Variants in WLS observed in about 807,000 individuals in gnomAD.
WLS encodes the protein protein wntless homolog.
Under a neutral mutation model 62.8 loss-of-function variants are expected in WLS, and 23 were observed. The observed-to-expected ratio is 0.37, with a 90% CI of 0.26 to 0.52. The LOEUF (loss-of-function observed/expected upper bound fraction) is 0.52, where lower values mean the gene tolerates loss of function less well. Among genes scored for constraint, WLS ranks in the 20% least tolerant of loss-of-function variants. The pLI is 0.92. For synonymous variants in WLS, 246 were observed against 244.1 expected (o/e 1.01, Z -0.07); for missense variants, 615 against 697.3 (o/e 0.88, Z 1.33).
At chr1:68,155,052 G>C in intron 4 of WLS, 47 bp downstream of exon 4, 2 of 1,582,346 alleles carry the variant, frequency 1.3e-6, no homozygotes, top group Non-Finnish European at 1.7e-6. Flanking sequence ...AGAGTGAGAT[G>C]GAGTTCCCCT....
rs531662924 is a variant in WLS, at chr1:68,159,027, T to C, written c.504+96A>G. On this transcript the variant is annotated intron_variant, in intron 3 of 11. Coordinates refer to ENST00000262348, the MANE Select transcript of WLS (RefSeq NM_024911.7). Reference sequence around the variant, plus strand: ...GCAGGTATTACCAAAGCTGTCCTCATGCGAAGAAGGGACACACCTATGAAA... The same window carrying C: ...GCAGGTATTACCAAAGCTGTCCTCACGCGAAGAAGGGACACACCTATGAAA... 5.3e-6 allele frequency: 8 copies of C among 1,510,784 alleles called. No homozygotes were observed. The South Asian group carries it at 1.0e-4, about 19-fold the overall frequency. The allele number at this position is 1,510,784 out of a possible 1,614,324, so 93.6% of individuals were successfully genotyped here.
At chr1:68,123,478 T>C (rs1646387792), downstream of WLS, among the ~76,000 whole-genome samples, 1 of 152,006 alleles carries the variant, frequency 6.6e-6, no homozygotes, top group African/African-American at 2.4e-5. Flanking sequence ...CAGTTGTCCT[T>C]CTTCCTCTCA....
intron 4 of WLS, 149 bp downstream of exon 4, chr1:68,154,950 C>G (rs1646875496): frequency 1.2e-6 from 1 of 869,320 alleles, no homozygotes; most frequent in Non-Finnish European, 1.7e-6. Flanking sequence ...TGTAATCTCT[C>G]ACACAAATTA....
intron 1 of WLS, chr1:68,228,294 G>A (rs570754974): frequency 2.3e-6 from 1 of 434,868 alleles, no homozygotes; most frequent in Non-Finnish European, 4.6e-6. Context: ...ATCCAGTTCT[G>A]ATCTTCATAC....
chr1:68,231,825 C>G (rs1450138038), intron 1 of WLS: 1 of 454,256 alleles, frequency 2.2e-6, no homozygotes, highest in Non-Finnish European at 4.2e-6. Flanking sequence ...GGAAGGGAAC[C>G]GAGAGGAAAA....
At chr1:68,184,794 A>T (rs1210241421) in intron 2 of WLS, among the ~76,000 whole-genome samples, 1 of 152,198 alleles carries the variant, frequency 6.6e-6, no homozygotes, top group Non-Finnish European at 1.5e-5. Context: ...ATTGGTATTC[A>T]CTGAAAGGTC....
chr1:68,229,361 T>C (rs917141948), intron 1 of WLS, among the ~76,000 whole-genome samples: 1 of 152,168 alleles, frequency 6.6e-6, no homozygotes, highest in Non-Finnish European at 1.5e-5. Context: ...AAGAAAAATA[T>C]ATTCTGGCCA....
rs566064197 is a variant in WLS, at chr1:68,204,727, T to C, written c.107-10500A>G. Among the ~76,000 whole-genome samples the C allele has an allele frequency of 2.4e-3, 362 of 152,328 alleles. 2 individuals carry two copies. Among genetic ancestry groups the C allele is most frequent in the African/African-American group, 8.3e-3 (345 of 41,564 alleles). On this transcript the variant is annotated intron_variant, in intron 1 of 11. Coordinates refer to ENST00000262348, the MANE Select transcript of WLS (RefSeq NM_024911.7). Reference sequence around the variant, plus strand: ...AAGGGCCGTCTCTCCTTCATTCAATTTGTTAAATGCCTATAGTGTGCCAGC... The same window carrying C: ...AAGGGCCGTCTCTCCTTCATTCAATCTGTTAAATGCCTATAGTGTGCCAGC...
At chr1:68,227,471 C>T (rs188663147) in intron 1 of WLS, among the ~76,000 whole-genome samples, 217 of 148,718 alleles carry the variant, frequency 1.5e-3, no homozygotes, top group Middle Eastern at 3.6e-3. Context: ...ACTGCAAGAA[C>T]CAAATAGTTA....
At chr1:68,113,713 C>T (rs545479511) in intron 11 of WLS, among the ~76,000 whole-genome samples, 3 of 152,254 alleles carry the variant, frequency 2.0e-5, no homozygotes, top group African/African-American at 4.8e-5. Flanking sequence ...AGAAATGCAT[C>T]GTCTCAGGCC....
chr1:68,134,347 C>T (rs992481819), intron 11 of WLS, among the ~76,000 whole-genome samples: 2 of 152,140 alleles, frequency 1.3e-5, no homozygotes, highest in African/African-American at 4.8e-5. Context: ...TGCACAAGGT[C>T]ACAGCACCAT....
chr1:68,153,488 C>T, intron 5 of WLS, 29 bp downstream of exon 5: 1 of 1,613,658 alleles, frequency 6.2e-7, no homozygotes, highest in Admixed American at 1.7e-5. Flanking sequence ...GCCAGTATTC[C>T]TGAAGAGCGC....
At chr1:68,132,658 TAGG>T (rs1287345377) in intron 11 of WLS, among the ~76,000 whole-genome samples, 1 of 152,026 alleles carries the variant, frequency 6.6e-6, no homozygotes, top group East Asian at 1.9e-4. Context: ...TGAACAGAAA[TAGG>T]AGGGAATGGT....
intron 1 of WLS, among the ~76,000 whole-genome samples, chr1:68,199,349 C>A (rs1271977815): frequency 6.6e-6 from 1 of 152,100 alleles, no homozygotes; most frequent in Non-Finnish European, 1.5e-5. Flanking sequence ...TTGGAAATTT[C>A]TTTGACAGAG....
intron 2 of WLS, chr1:68,162,206 A>C (rs149930106): frequency 5.5e-6 from 8 of 1,448,070 alleles, no homozygotes; most frequent in Non-Finnish European, 7.8e-6. Flanking sequence ...TCACGCACAT[A>C]GAGGGCTGCC....
At chr1:68,125,178 C>A (rs546960970), downstream of WLS, among the ~76,000 whole-genome samples, 4 of 152,162 alleles carry the variant, frequency 2.6e-5, no homozygotes, top group South Asian at 2.1e-4. Context: ...TATGAGCATC[C>A]CTTGCCAGCC....
At chr1:68,100,786 G>A (rs1456081574) in intron 11 of WLS, 1 of 152,160 alleles carries the variant, frequency 6.6e-6, no homozygotes, top group Admixed American at 6.5e-5. Flanking sequence ...TAAGAATGAA[G>A]TCACACACCC....
chr1:68,117,738 T>C (rs1017839619), intron 11 of WLS: 11 of 152,340 alleles, frequency 7.2e-5, no homozygotes, highest in African/African-American at 2.4e-4. Flanking sequence ...CGGAGGTGAG[T>C]TCCCGGGGAG....
At chr1:68,190,763 A>T in intron 2 of WLS, among the ~76,000 whole-genome samples, 1 of 152,216 alleles carries the variant, frequency 6.6e-6, no homozygotes, top group East Asian at 1.9e-4. Flanking sequence ...GGAGCTAAGA[A>T]ATGTTTATAG....
Sources: allele counts gnomAD v4.1 joint callset (sites outside exome capture counted in the v4.1 genomes callset), GRCh38; gene constraint gnomAD v4.1.1; transcripts MANE v1.5; gene names NCBI Gene and HGNC (gene_info 2026-07-23, HGNC 2026-07-21).